The following SIK3 variants were observed in gnomAD, a reference collection of about 807,000 sequenced individuals.
The protein encoded by SIK3 is SIK family kinase 3.
SIK3 carries 28 observed loss-of-function variants against 144.2 expected under a neutral mutation model. The observed-to-expected ratio is 0.19, with a 90% confidence interval of 0.14 to 0.27. The LOEUF (loss-of-function observed/expected upper bound fraction) is 0.27, where lower values mean the gene tolerates loss of function less well. SIK3 is among the 10% of genes least tolerant of loss of function. The probability of loss-of-function intolerance (pLI) is 1.00; values close to 1 mark genes in which losing one functional copy is unlikely to be tolerated. For missense variants in SIK3, 1,319 were observed against 1,776.0 expected, an observed-to-expected ratio of 0.74 and a Z score of 4.62; for synonymous variants, 686 against 676.3, an observed-to-expected ratio of 1.01 and a Z score of -0.22.
intron 1 of SIK3, among the ~76,000 whole-genome samples, chr11:116,963,633 T>C (rs1949425309): frequency 6.6e-6 from 1 of 152,204 alleles, no homozygotes; most frequent in African/African-American, 2.4e-5. Flanking sequence ...ATGACATCCC[T>C]GAATCAAACT....
chr11:116,960,568 T>C (rs1591432196), intron 1 of SIK3, among the ~76,000 whole-genome samples: 1 of 152,190 alleles, frequency 6.6e-6, no homozygotes, highest in Non-Finnish European at 1.5e-5. Context: ...TGAAGCTTTA[T>C]TTAGCAGTTG....
In SIK3 at chr11:116,844,641, T is replaced by TCAC; in HGVS notation, c.*1001_*1002insGTG. On this transcript the variant is annotated 3_prime_UTR_variant, in exon 25 of 25. Transcript: ENST00000445177. ...ATAATATATATATAATATATTATATTATATATTATATATATAATATATATA... is the reference window on the plus strand; with the variant it reads ...ATAATATATATATAATATATTATATTCACATATATTATATATATAATATATATA... 1.4e-5 allele frequency: 1 copy of TCAC among 69,838 alleles called. No individual in the cohort carries two copies. The highest frequency in any genetic ancestry group is 4.3e-4 in the South Asian group (1 of 2,336). 4.3% of individuals were successfully genotyped at this position (69,838 alleles called of 1,614,324 possible).
chr11:116,941,286 G>A (rs940040479), intron 3 of SIK3, among the ~76,000 whole-genome samples: 2 of 152,088 alleles, frequency 1.3e-5, no homozygotes, highest in South Asian at 4.1e-4. Context: ...GATTACAGGC[G>A]TGAGCCACCG....
chr11:117,073,753 G>A lies in SIK3; in HGVS notation c.273+24390C>T, dbSNP rs796119864. ...GTCTCTCTACTCCCAGTTGTAAGAT[G>A]ACTTAACTGCTCCTCCGGAGGAAGA... On this transcript the variant is annotated intron_variant, in intron 1 of 24. Coordinates refer to ENST00000445177, the MANE Select transcript of SIK3 (RefSeq NM_001366686.3). 2.0e-5 allele frequency among the ~76,000 whole-genome samples: 3 copies of A among 152,158 alleles called. No individual in the cohort carries two copies. In the South Asian group the frequency reaches 6.2e-4, roughly 31 times the overall value.
chr11:116,873,549 T>C lies in SIK3; in HGVS notation c.1669A>G (p.Ile557Val), dbSNP rs1279990615. 1 of 1,612,836 alleles carries C rather than the reference T, an allele frequency of 6.2e-7. No individual in the cohort carries two copies. Among genetic ancestry groups the C allele is most frequent in the Admixed American group, 1.7e-5 (1 of 59,680 alleles). The part of the protein sequence containing the change: ...GRRASDGGAN[I>V]QLHAQQLLKR... ...AGCAGCTGCTGGGCATGCAGTTGGA[T>C]GTTGGCTCCTCCATCTGATGCCCTC... is the stretch of plus-strand genomic sequence containing the variant. The change falls in exon 13 of 25, where the codon ATC becomes GTC. Residue 557 changes from isoleucine to valine, a missense_variant. Around this residue, in one of 8 missense-constraint regions of SIK3, gnomAD observed 167 missense variants for 263.3 expected, o/e 0.63. Transcript: ENST00000445177.
At chr11:117,054,560 A>G (rs1475805996) in intron 1 of SIK3, among the ~76,000 whole-genome samples, 1 of 152,230 alleles carries the variant, frequency 6.6e-6, no homozygotes, top group African/African-American at 2.4e-5. Flanking sequence ...GAGAGCAATT[A>G]GGAGATTACC....
chr11:117,087,398 G>A (rs993503676), intron 1 of SIK3, among the ~76,000 whole-genome samples: 5 of 151,970 alleles, frequency 3.3e-5, no homozygotes, highest in Non-Finnish European at 4.4e-5. Flanking sequence ...AGCCGAGATC[G>A]CACCATTGCA....
chr11:117,061,930 G>T (rs954700694), intron 1 of SIK3, among the ~76,000 whole-genome samples: 1 of 151,828 alleles, frequency 6.6e-6, no homozygotes, highest in African/African-American at 2.4e-5. Flanking sequence ...CAAAGTATAG[G>T]CACATAAATA....
chr11:116,916,356 G>A (rs1387531356), intron 4 of SIK3, among the ~76,000 whole-genome samples: 2 of 152,246 alleles, frequency 1.3e-5, no homozygotes, highest in Non-Finnish European at 2.9e-5. Context: ...TAAGAGAACT[G>A]ATAAGGTATA....
intron 4 of SIK3, 102 bp from the exon 5 acceptor site, chr11:116,897,419 T>A: frequency 9.5e-7 from 1 of 1,054,638 alleles, no homozygotes; most frequent in Admixed American, 2.6e-5. Flanking sequence ...ATTGTCTGAA[T>A]ATTAAATGCA....
intron 1 of SIK3, among the ~76,000 whole-genome samples, chr11:117,011,573 A>C (rs956069792): frequency 2.0e-5 from 3 of 152,220 alleles, no homozygotes; most frequent in African/African-American, 4.8e-5. Flanking sequence ...AGATTTACAA[A>C]GAATTCAGTA....
intron 1 of SIK3, among the ~76,000 whole-genome samples, chr11:117,078,682 C>T (rs1020876849): frequency 9.2e-5 from 14 of 152,034 alleles, no homozygotes; most frequent in Non-Finnish European, 2.1e-4. Context: ...GGATTATAGG[C>T]GTGAGCCACC....
chr11:117,045,390 C>G (rs1022018254), intron 1 of SIK3, among the ~76,000 whole-genome samples: 2 of 152,128 alleles, frequency 1.3e-5, no homozygotes, highest in African/African-American at 4.8e-5. Context: ...GGAACTGTTC[C>G]AGAGTTTCAC....
intron 1 of SIK3, among the ~76,000 whole-genome samples, chr11:117,044,920 T>C (rs1049091296): frequency 2.0e-5 from 3 of 152,078 alleles, no homozygotes; most frequent in Non-Finnish European, 4.4e-5. Context: ...AACTATCCGA[T>C]ACTAAGGCTA....
chr11:116,915,122 A>ATGTGTGTGTG (rs1423283335), intron 4 of SIK3, among the ~76,000 whole-genome samples: 11 of 100,066 alleles, frequency 1.1e-4, no homozygotes, highest in Admixed American at 2.0e-4. Flanking sequence ...AGGAAGCCAT[A>ATGTGTGTGTG]TATGTGTGTG....
At chr11:117,025,768 C>CATT (rs1322253894) in intron 1 of SIK3, among the ~76,000 whole-genome samples, 2 of 151,986 alleles carry the variant, frequency 1.3e-5, no homozygotes, top group African/African-American at 2.4e-5. Flanking sequence ...GACTGCAGAG[C>CATT]ATTATATAAA....
rs139654163 is a variant in SIK3, at chr11:117,089,343, C to T, written c.273+8800G>A. Among the ~76,000 whole-genome samples the T allele has an allele frequency of 9.8e-3, 1,474 of 150,362 alleles. 26 individuals are homozygous for T. The highest frequency in any genetic ancestry group is 0.035 in the African/African-American group (1,428 of 40,842). On this transcript the variant is annotated intron_variant, in intron 1 of 24. Coordinates refer to ENST00000445177, the MANE Select transcript of SIK3 (RefSeq NM_001366686.3). ...AACGGCGTGAACCCGAGAGGTGGAG[C>T]TTGCAGTGAGCCAAGATCGCGCCAC...
chr11:116,905,120 A>C (rs564591882), intron 4 of SIK3: 4 of 158,084 alleles, frequency 2.5e-5, no homozygotes, highest in African/African-American at 9.6e-5. Context: ...CAAGTCTTTC[A>C]CCAATGGCCC....
chr11:117,047,299 A>G (rs1953012962), intron 1 of SIK3, among the ~76,000 whole-genome samples: 1 of 152,218 alleles, frequency 6.6e-6, no homozygotes, highest in Non-Finnish European at 1.5e-5. Context: ...CACACGTGAC[A>G]CTAGTGTTTT....
Sources: gnomAD v4.1 joint callset for allele counts (sites outside exome capture counted in the v4.1 genomes callset) on GRCh38, gnomAD v4.1.1 for gene constraint, gnomAD v4.1.1 regional missense constraint, MANE v1.5 for transcripts, NCBI Gene and HGNC (gene_info 2026-07-23, HGNC 2026-07-21) for gene names.